Variants in SLC24A2 observed in about 807,000 individuals in gnomAD.
SLC24A2 encodes the protein solute carrier family 24 member 2.
SLC24A2 carries 36 observed loss-of-function variants against 62.0 expected under a neutral mutation model. That is an observed-to-expected ratio of 0.58 (90% CI 0.44 to 0.77). The LOEUF is 0.77. Ranked by LOEUF, SLC24A2 falls within the 30% of genes least tolerant of loss-of-function variation. The pLI is 0.00. For missense variants in SLC24A2, 846 were observed against 817.9 expected, an observed-to-expected ratio of 1.03 and a Z score of -0.42; for synonymous variants, 358 against 294.0, an observed-to-expected ratio of 1.22 and a Z score of -2.23.
At chr9:20,208,386 G>C in the SLC24A2 span, among the ~76,000 whole-genome samples, 1 of 152,186 alleles carries the variant, frequency 6.6e-6, no homozygotes, top group Non-Finnish European at 1.5e-5. Flanking sequence ...AAGCTTAAGT[G>C]CTTCATTTTC....
chr9:19,678,781 C>A (rs1018663249), intron 2 of SLC24A2, among the ~76,000 whole-genome samples: 3 of 152,178 alleles, frequency 2.0e-5, no homozygotes, highest in Non-Finnish European at 2.9e-5. Context: ...AAGAGACTGC[C>A]TATCTGAGAG....
chr9:19,661,657 G>T (rs1357418251), intron 2 of SLC24A2, among the ~76,000 whole-genome samples: 1 of 152,174 alleles, frequency 6.6e-6, no homozygotes, highest in East Asian at 1.9e-4. Context: ...TAAAGGGTGT[G>T]ACAGGAATAA....
the SLC24A2 span, among the ~76,000 whole-genome samples, chr9:20,175,166 T>C: frequency 6.6e-6 from 1 of 151,922 alleles, no homozygotes; most frequent in Admixed American, 6.6e-5. Context: ...TTCTCACTCG[T>C]AAGTGGGAGC....
chr9:20,221,486 CA>C, the SLC24A2 span, among the ~76,000 whole-genome samples: 1 of 151,660 alleles, frequency 6.6e-6, no homozygotes, highest in Non-Finnish European at 1.5e-5. Flanking sequence ...GAGGAGTTGT[CA>C]GATGTTAAGA....
the SLC24A2 span, among the ~76,000 whole-genome samples, chr9:20,192,680 CTT>C: frequency 2.0e-5 from 3 of 152,164 alleles, no homozygotes; most frequent in African/African-American, 4.8e-5. Context: ...GTTGGGAAGA[CTT>C]TTAAATTCCT....
the SLC24A2 span, among the ~76,000 whole-genome samples, chr9:20,304,845 A>T: frequency 6.6e-6 from 1 of 152,096 alleles, no homozygotes; most frequent in Non-Finnish European, 1.5e-5. Flanking sequence ...GCAAGGACAT[A>T]GTCCTAGGTG....
At chr9:19,694,103 A>G (rs969351782) in intron 2 of SLC24A2, among the ~76,000 whole-genome samples, 2 of 152,058 alleles carry the variant, frequency 1.3e-5, no homozygotes, top group Non-Finnish European at 2.9e-5. Context: ...CTCTAAAAAA[A>G]AAAATCCCAA....
chr9:20,022,040 A>C, the SLC24A2 span, among the ~76,000 whole-genome samples: 1 of 151,990 alleles, frequency 6.6e-6, no homozygotes, highest in Admixed American at 6.6e-5. Context: ...AATTTACTCT[A>C]TGTCTACTGC....
At chr9:19,621,489 G>T (rs576981599) in intron 3 of SLC24A2, among the ~76,000 whole-genome samples, 1 of 152,258 alleles carries the variant, frequency 6.6e-6, no homozygotes, top group East Asian at 1.9e-4. Flanking sequence ...TTAATGCATT[G>T]TATTATTAGT....
the SLC24A2 span, among the ~76,000 whole-genome samples, chr9:20,227,440 G>A: frequency 4.0e-5 from 6 of 151,204 alleles, no homozygotes; most frequent in South Asian, 1.3e-3. Context: ...GCTCAACCAT[G>A]TGAGGTGAAG....
chr9:20,076,744 G>T, the SLC24A2 span, among the ~76,000 whole-genome samples: 1 of 151,328 alleles, frequency 6.6e-6, no homozygotes, highest in South Asian at 2.1e-4. Context: ...GGAGAAAAGT[G>T]CCAAAAAAAA....
chr9:19,777,493 T>A lies in SLC24A2; in HGVS notation c.930+8444A>T, dbSNP rs796421121. ...GTAGTATTTTTTATAATGTTAAATA[T>A]TGCAATAAATGGCAACATGAAAATG... On this transcript the variant is annotated intron_variant, in intron 2 of 10. Transcript: ENST00000341998. Among the ~76,000 whole-genome samples, 23 of 152,266 alleles carry A rather than the reference T, an allele frequency of 1.5e-4. 1 individual carries two copies. Among genetic ancestry groups the A allele is most frequent in the African/African-American group, 5.5e-4 (23 of 41,546 alleles).
At chr9:20,189,538 A>G in the SLC24A2 span, among the ~76,000 whole-genome samples, 1 of 152,186 alleles carries the variant, frequency 6.6e-6, no homozygotes, top group South Asian at 2.1e-4. Context: ...GCAATGTCAG[A>G]TCTGTCTAGA....
chr9:19,547,735 G>T (rs776005106), intron 8 of SLC24A2, among the ~76,000 whole-genome samples: 13 of 151,548 alleles, frequency 8.6e-5, no homozygotes, highest in South Asian at 2.1e-4. Flanking sequence ...CACCACATGA[G>T]GCCCCTTTTG....
the SLC24A2 span, among the ~76,000 whole-genome samples, chr9:20,012,957 A>G: frequency 6.6e-6 from 1 of 152,266 alleles, no homozygotes; most frequent in South Asian, 2.1e-4. Flanking sequence ...AAAAATTATT[A>G]TTGTGAATAT....
chr9:19,666,714 T>C (rs539438858), intron 2 of SLC24A2, among the ~76,000 whole-genome samples: 40 of 152,300 alleles, frequency 2.6e-4, no homozygotes, highest in African/African-American at 6.0e-4. Context: ...AGCTTTTTTT[T>C]CCCCTGTCTA....
At chr9:19,838,459 ACACACACACAC>A in the SLC24A2 span, among the ~76,000 whole-genome samples, 2 of 119,638 alleles carry the variant, frequency 1.7e-5, no homozygotes, top group Non-Finnish European at 3.4e-5. Flanking sequence ...CTAAAACCAC[ACACACACACAC>A]ACACACACAC....
the SLC24A2 span, among the ~76,000 whole-genome samples, chr9:19,932,736 C>A: frequency 6.6e-6 from 1 of 152,176 alleles, no homozygotes; most frequent in Non-Finnish European, 1.5e-5. Context: ...CTGACACCTA[C>A]AATACCCTCT....
the SLC24A2 span, among the ~76,000 whole-genome samples, chr9:20,223,822 A>G: frequency 3.3e-5 from 5 of 152,166 alleles, no homozygotes; most frequent in Non-Finnish European, 7.4e-5. Flanking sequence ...GTCTGTTTTC[A>G]CACTGCTATA....
Sources: allele counts gnomAD v4.1 joint callset (sites outside exome capture counted in the v4.1 genomes callset), GRCh38; gene constraint gnomAD v4.1.1; transcripts MANE v1.5; gene names NCBI Gene and HGNC (gene_info 2026-07-23, HGNC 2026-07-21).